NBEA: variants seen among roughly 807,000 people sequenced by gnomAD.
NBEA encodes lysosomal-trafficking regulator 2.
NBEA carries 44 observed loss-of-function variants against 343.4 expected under a neutral mutation model. The observed-to-expected ratio is 0.13, with a 90% CI of 0.10 to 0.16. The LOEUF is 0.16. NBEA is among the 10% of genes least tolerant of loss of function. The pLI, the probability that NBEA is intolerant of heterozygous loss-of-function variation, is 1.00. For missense variants in NBEA, 2,555 were observed against 3,631.3 expected (o/e 0.70, Z 7.62); for synonymous variants, 1,175 against 1,238.7 (o/e 0.95, Z 1.08).
intron 36 of NBEA, among the ~76,000 whole-genome samples, chr13:35,310,911 T>A (rs999569831): frequency 6.6e-6 from 1 of 152,198 alleles, no homozygotes; most frequent in African/African-American, 2.4e-5. Context: ...AAAAATTAAA[T>A]ATCACTTAGT....
chr13:35,534,935 G>T lies in NBEA; in HGVS notation c.6586-15542G>T, dbSNP rs184959711. On this transcript the variant is annotated intron_variant, in intron 41 of 58. Transcript: ENST00000379939. ...TAAAAGGCAAATTTTCAGCAAACTA[G>T]TATTTTGCTTCAAATAGCTTTACAA... Among the ~76,000 whole-genome samples, 29 of 152,208 alleles carry T rather than the reference G, an allele frequency of 1.9e-4. No homozygotes were observed. The East Asian group carries it at 5.6e-3, about 29-fold the overall frequency.
intron 18 of NBEA, among the ~76,000 whole-genome samples, chr13:35,142,807 T>G (rs2068167382): frequency 6.6e-6 from 1 of 152,218 alleles, no homozygotes; most frequent in African/African-American, 2.4e-5. Context: ...TAAGAATTAT[T>G]TGTAAAAATG....
chr13:35,252,816 G>A (rs1319673525), intron 34 of NBEA, among the ~76,000 whole-genome samples: 1 of 152,186 alleles, frequency 6.6e-6, no homozygotes, highest in Non-Finnish European at 1.5e-5. Flanking sequence ...ATGGACTGAA[G>A]AATCTGTTCC....
At chr13:35,610,906 G>A (rs188491812) in intron 48 of NBEA, among the ~76,000 whole-genome samples, 19 of 152,002 alleles carry the variant, frequency 1.2e-4, no homozygotes, top group East Asian at 3.9e-4. Context: ...AATCTTCAGC[G>A]AAGAAGATAT....
intron 1 of NBEA, among the ~76,000 whole-genome samples, chr13:34,980,029 T>G (rs2060304794): frequency 6.6e-6 from 1 of 152,186 alleles, no homozygotes; most frequent in Non-Finnish European, 1.5e-5. Context: ...AGTATGAGTC[T>G]TTCTTGTTCC....
intron 31 of NBEA, among the ~76,000 whole-genome samples, chr13:35,206,775 CA>C (rs1470161209): frequency 2.6e-5 from 4 of 152,070 alleles, no homozygotes; most frequent in African/African-American, 9.7e-5. Flanking sequence ...TACGATTTTA[CA>C]CTCAAAAAAA....
intron 38 of NBEA, among the ~76,000 whole-genome samples, chr13:35,385,896 A>G (rs2042221171): frequency 6.6e-6 from 1 of 152,140 alleles, no homozygotes; most frequent in African/African-American, 2.4e-5. Context: ...AACATTTACC[A>G]TCACTGATTT....
chr13:35,045,598 A>T (rs2062819475), intron 4 of NBEA, among the ~76,000 whole-genome samples, 197 bp downstream of exon 4: 1 of 152,088 alleles, frequency 6.6e-6, no homozygotes, highest in African/African-American at 2.4e-5. Flanking sequence ...GTTGGAAGAT[A>T]TTCCCCTCTA....
intron 40 of NBEA, among the ~76,000 whole-genome samples, chr13:35,455,623 T>C (rs1403262996): frequency 3.9e-5 from 6 of 152,130 alleles, no homozygotes; most frequent in African/African-American, 1.4e-4. Context: ...TCCTTATAGC[T>C]GAAAATATTG....
In NBEA at chr13:35,164,482, T is replaced by C; in HGVS notation, c.4206T>C (p.Pro1402=). The change falls in exon 24 of 59, where the codon CCT becomes CCC. Residue 1402 remains proline (P), a synonymous_variant. Transcript: ENST00000379939. ...TCATTGCTTGTGGAGGAATTTTACC[T>C]TTGCTCTCTGCTGCTACATCACCAA... ...NIIIACGGIL[P]LLSAATSPTG... The C allele has an allele frequency of 6.2e-7, 1 of 1,611,054 alleles. No homozygotes were observed. The highest frequency in any genetic ancestry group is 1.3e-5 in the African/African-American group (1 of 75,032).
At chr13:35,040,064 G>T (rs1001739621) in intron 1 of NBEA, among the ~76,000 whole-genome samples, 2 of 152,176 alleles carry the variant, frequency 1.3e-5, no homozygotes, top group Non-Finnish European at 2.9e-5. Context: ...CTTCAAATTT[G>T]TCAGACGTTG....
At chr13:35,453,002 A>G (rs2046382117) in intron 40 of NBEA, among the ~76,000 whole-genome samples, 1 of 152,200 alleles carries the variant, frequency 6.6e-6, no homozygotes, top group Non-Finnish European at 1.5e-5. Context: ...GAGTCTCAAA[A>G]AGTAGCTGAG....
rs373407286 is a variant in NBEA at position 35,328,069 on chromosome 13, T to C, written c.5903+18477T>C. ...GGCAAGGATGTTCTCACCACTTATATCAAACCTTTGACTGGAGTTCTTGGC... is the reference window on the plus strand; with the variant it reads ...GGCAAGGATGTTCTCACCACTTATACCAAACCTTTGACTGGAGTTCTTGGC... On this transcript the variant is annotated intron_variant, in intron 36 of 58. Transcript: ENST00000379939. 3.9e-5 allele frequency among the ~76,000 whole-genome samples: 6 copies of C among 152,074 alleles called. No individual in the cohort carries two copies. In the East Asian group the frequency reaches 1.2e-3, roughly 29 times the overall value.
chr13:35,562,050 GT>G (rs2079881417), intron 44 of NBEA, among the ~76,000 whole-genome samples: 1 of 151,996 alleles, frequency 6.6e-6, no homozygotes, highest in Admixed American at 6.6e-5. Flanking sequence ...TTCATTCTCT[GT>G]GTGTGGTGTG....
rs191145494 is a variant in NBEA, at chr13:34,956,686, T to C, written c.294+13572T>C. 2.6e-5 allele frequency among the ~76,000 whole-genome samples: 4 copies of C among 152,300 alleles called. No individual in the cohort carries two copies. In the East Asian group the frequency reaches 7.7e-4, roughly 29 times the overall value. On this transcript the variant is annotated intron_variant, in intron 1 of 58. Coordinates refer to ENST00000379939, the MANE Select transcript of NBEA (RefSeq NM_001385012.1). ...GAACACTCAAAATCTTCTGGTTATT[T>C]TGAAGTACACAGTACAATATTGTTA...
At chr13:35,217,956 A>C (rs779254967) in intron 33 of NBEA, among the ~76,000 whole-genome samples, 13 of 152,050 alleles carry the variant, frequency 8.5e-5, no homozygotes, top group Non-Finnish European at 1.5e-4. Context: ...TTTTTTCTTC[A>C]TAGCTTCCTC....
intron 48 of NBEA, among the ~76,000 whole-genome samples, chr13:35,607,523 A>G (rs138974211): frequency 6.6e-6 from 1 of 152,308 alleles, no homozygotes; most frequent in East Asian, 1.9e-4. Flanking sequence ...CTTGAATTAC[A>G]TCAATAAAAC....
intron 48 of NBEA, among the ~76,000 whole-genome samples, chr13:35,618,184 A>G (rs1196299614): frequency 2.6e-5 from 4 of 152,210 alleles, no homozygotes; most frequent in Non-Finnish European, 5.9e-5. Context: ...GATGACATTC[A>G]CAGTGGTAAA....
Position 35,225,500 on chromosome 13 carries a change from T to C in NBEA, c.5649-6992T>C, listed in dbSNP as rs190948065. On this transcript the variant is annotated intron_variant, in intron 33 of 58. Coordinates refer to ENST00000379939, the MANE Select transcript of NBEA (RefSeq NM_001385012.1). Reference sequence around the variant, plus strand: ...TCTGCAGCAATTAATTCTCCCTCCTTTAACCTGGAGCAATGAAGGAAGTTT... The same window carrying C: ...TCTGCAGCAATTAATTCTCCCTCCTCTAACCTGGAGCAATGAAGGAAGTTT... Among the ~76,000 whole-genome samples the C allele has an allele frequency of 4.6e-5, 7 of 152,214 alleles. No homozygotes were observed. In the East Asian group the frequency reaches 1.4e-3, roughly 29 times the overall value.
Sources: gnomAD v4.1 joint callset for allele counts (sites outside exome capture counted in the v4.1 genomes callset) on GRCh38, gnomAD v4.1.1 for gene constraint, MANE v1.5 for transcripts, NCBI Gene and HGNC (gene_info 2026-07-23, HGNC 2026-07-21) for gene names.